Variants in AHRR observed in about 807,000 individuals in gnomAD.
The protein encoded by AHRR is aryl hydrocarbon receptor repressor, also known as ahR repressor.
Under a neutral mutation model 44.0 loss-of-function variants are expected in AHRR, and 28 were observed. The ratio of observed to expected loss-of-function variants is 0.64; its 90% CI spans 0.47 to 0.87. The LOEUF (loss-of-function observed/expected upper bound fraction) is 0.87, where lower values mean the gene tolerates loss of function less well. Ranked by LOEUF, AHRR falls within the 40% of genes least tolerant of loss-of-function variation. AHRR has a pLI of 0.00. For synonymous variants in AHRR, 434 were observed against 407.0 expected (o/e 1.07, Z -0.80); for missense variants, 990 against 953.9 (o/e 1.04, Z -0.50).
intron 4 of AHRR, among the ~76,000 whole-genome samples, chr5:398,379 C>T (rs758617559): frequency 1.3e-5 from 2 of 151,236 alleles, no homozygotes; most frequent in Admixed American, 6.6e-5. Flanking sequence ...GCATTAGCCC[C>T]GACTGTCTGG....
intron 4 of AHRR, among the ~76,000 whole-genome samples, chr5:390,145 G>A (rs1347370729): frequency 6.6e-6 from 1 of 152,066 alleles, no homozygotes; most frequent in Non-Finnish European, 1.5e-5. Context: ...GGCACAACGC[G>A]GGGACTGCAG....
chr5:325,290 T>C (rs916219292), intron 1 of AHRR, among the ~76,000 whole-genome samples: 3 of 152,174 alleles, frequency 2.0e-5, no homozygotes, highest in African/African-American at 7.2e-5. Context: ...GGGGCTGGTG[T>C]AGGTCACCCT....
intron 4 of AHRR, among the ~76,000 whole-genome samples, chr5:378,772 T>A (rs1191885799): frequency 6.6e-6 from 1 of 152,144 alleles, no homozygotes; most frequent in Non-Finnish European, 1.5e-5. Context: ...ATTCTGTCTT[T>A]TAGGTGGGCT....
intron 4 of AHRR, among the ~76,000 whole-genome samples, chr5:378,168 C>A (rs1478929752): frequency 6.6e-6 from 1 of 152,204 alleles, no homozygotes; most frequent in Non-Finnish European, 1.5e-5. Context: ...AAAAATATTC[C>A]AACAGGGCAA....
intron 1 of AHRR, among the ~76,000 whole-genome samples, chr5:339,258 G>T (rs918335638): frequency 7.2e-5 from 11 of 152,164 alleles, no homozygotes; most frequent in Non-Finnish European, 1.5e-4. Context: ...GAGACTACAG[G>T]TGTGTGCCAC....
intron 4 of AHRR, among the ~76,000 whole-genome samples, chr5:399,913 T>C (rs974248995): frequency 4.6e-5 from 7 of 152,236 alleles, no homozygotes; most frequent in Admixed American, 2.0e-4. Flanking sequence ...GTTTACTGTT[T>C]GTGGGATCTA....
At chr5:423,271 G>C (rs531485630) in intron 6 of AHRR, among the ~76,000 whole-genome samples, 2 of 152,164 alleles carry the variant, frequency 1.3e-5, no homozygotes, top group Non-Finnish European at 2.9e-5. Flanking sequence ...ATTCAGAGTT[G>C]GTTGCCCCTT....
Position 421,182 on chromosome 5 carries a change from T to C in AHRR, c.442-1547T>C, listed in dbSNP as rs1023473315. On this transcript the variant is annotated intron_variant, in intron 5 of 10. Coordinates refer to ENST00000684583, the MANE Select transcript of AHRR (RefSeq NM_001377236.1). ...GGAGGCCGCTCTGGCGCCCGGCTGG[T>C]GCCGGGCAGGAGGCCCTTGCGGACC... is the stretch of plus-strand genomic sequence containing the variant. 2.8e-5 allele frequency: 17 copies of C among 615,994 alleles called. No homozygotes were observed. In the Admixed American group the frequency reaches 4.4e-4, roughly 16 times the overall value. The allele number at this position is 615,994 out of a possible 1,614,324, so 38.2% of individuals were successfully genotyped here.
At chr5:431,669 C>T (rs1374241854) in intron 8 of AHRR, among the ~76,000 whole-genome samples, 1 of 152,184 alleles carries the variant, frequency 6.6e-6, no homozygotes, top group African/African-American at 2.4e-5. Context: ...TCTTCCACAG[C>T]TTTTCCCACA....
At chr5:334,707 A>G (rs988637707) in intron 1 of AHRR, among the ~76,000 whole-genome samples, 2 of 151,834 alleles carry the variant, frequency 1.3e-5, no homozygotes, top group Admixed American at 6.6e-5. Flanking sequence ...CTTTTGGTTG[A>G]GATTTATCTA....
chr5:428,387 TC>T, intron 8 of AHRR, among the ~76,000 whole-genome samples: 1 of 152,324 alleles, frequency 6.6e-6, no homozygotes. Context: ...TGGAGGTAGT[TC>T]CCGGCTGCAG....
At chr5:426,858 TGGGTG>T (rs1736430074) in intron 7 of AHRR, among the ~76,000 whole-genome samples, 2 of 127,604 alleles carry the variant, frequency 1.6e-5, no homozygotes, top group Admixed American at 8.1e-5. Context: ...GATGGATGGA[TGGGTG>T]GATGGATGGA....
chr5:355,405 A>G (rs1434546386), intron 3 of AHRR, among the ~76,000 whole-genome samples: 1 of 152,182 alleles, frequency 6.6e-6, no homozygotes, highest in Non-Finnish European at 1.5e-5. Context: ...CCAATGGCAG[A>G]GGGCAGTCCC....
chr5:376,896 C>T (rs1007800602), intron 4 of AHRR, among the ~76,000 whole-genome samples, 180 bp downstream of exon 4: 3 of 152,138 alleles, frequency 2.0e-5, no homozygotes, highest in African/African-American at 7.2e-5. Flanking sequence ...AAGGGTGTCC[C>T]TGGGTCGGGG....
intron 2 of AHRR, among the ~76,000 whole-genome samples, chr5:349,481 G>A (rs1742789480): frequency 6.6e-6 from 1 of 151,858 alleles, no homozygotes; most frequent in Non-Finnish European, 1.5e-5. Context: ...TCGGGAGGCT[G>A]AGGCAGGAGA....
At chr5:368,383 G>A (rs1336722262) in intron 3 of AHRR, among the ~76,000 whole-genome samples, 1 of 152,214 alleles carries the variant, frequency 6.6e-6, no homozygotes, top group African/African-American at 2.4e-5. Context: ...CTGTACACCT[G>A]TGCACCGCAC....
In AHRR at chr5:367,833, C is replaced by T. The variant is rs554938373; in HGVS notation, c.245-8777C>T. On this transcript the variant is annotated intron_variant, in intron 3 of 10. Transcript: ENST00000684583. ...GACAGGGGTTGGCAGTGGCAGATGC[C>T]GAAGATGTGGATGACCACACGGGCG... 3.9e-4 allele frequency: 273 copies of T among 702,522 alleles called. No homozygotes were observed. The African/African-American group carries it at 4.1e-3, about 10-fold the overall frequency. 43.5% of individuals were successfully genotyped at this position (702,522 alleles called of 1,614,324 possible). A position where few individuals can be genotyped will look rare whatever the true frequency, so the allele number is the denominator to read the frequency against.
chr5:398,548 G>C (rs1229271343), intron 4 of AHRR, among the ~76,000 whole-genome samples: 1 of 152,226 alleles, frequency 6.6e-6, no homozygotes, highest in Non-Finnish European at 1.5e-5. Context: ...GCTGGGCTTG[G>C]ACCCTTGCAT....
chr5:330,115 C>A (rs114156244), intron 1 of AHRR, among the ~76,000 whole-genome samples: 2 of 151,914 alleles, frequency 1.3e-5, no homozygotes, highest in Non-Finnish European at 1.5e-5. Flanking sequence ...TAATAAATAG[C>A]CTTTATTATT....
Sources: allele counts gnomAD v4.1 joint callset (sites outside exome capture counted in the v4.1 genomes callset), GRCh38; gene constraint gnomAD v4.1.1; transcripts MANE v1.5; gene names NCBI Gene and HGNC (gene_info 2026-07-23, HGNC 2026-07-21).